Variants in UBR2 observed in about 807,000 individuals in gnomAD.
UBR2 encodes the protein E3 ubiquitin-protein ligase UBR2.
A neutral mutation model predicts 247.9 loss-of-function variants in UBR2; 92 were observed. The observed-to-expected ratio is 0.37, with a 90% CI of 0.31 to 0.44. The LOEUF (loss-of-function observed/expected upper bound fraction) is 0.44. Among genes scored for constraint, UBR2 ranks in the 20% least tolerant of loss-of-function variants. UBR2 has a pLI of 1.00. For missense variants in UBR2, 1,613 were observed against 2,112.6 expected, an observed-to-expected ratio of 0.76 and a Z score of 4.64; for synonymous variants, 672 against 693.5, an observed-to-expected ratio of 0.97 and a Z score of 0.49.
At chr6:42,631,920 A>T (rs1242987451) in intron 11 of UBR2, among the ~76,000 whole-genome samples, 1 of 131,688 alleles carries the variant, frequency 7.6e-6, no homozygotes, top group Admixed American at 7.9e-5. Context: ...TATATATATA[A>T]AATACACATA....
intron 2 of UBR2, among the ~76,000 whole-genome samples, chr6:42,590,685 C>T (rs1173624670): frequency 6.6e-6 from 1 of 152,116 alleles, no homozygotes; most frequent in Non-Finnish European, 1.5e-5. Context: ...ACAGCCTTGG[C>T]ATATATCAAG....
rs576524179 is a variant in UBR2 at position 42,636,304 on chromosome 6, A to G, written c.1675-707A>G. ...GGTGATCCTCCCACCTCAGCCTCCC[A>G]AGTAGCTGGGACAACAGGCACACAC... is the stretch of plus-strand genomic sequence containing the variant. On this transcript the variant is annotated intron_variant, in intron 14 of 46. Transcript: ENST00000372901. Among the ~76,000 whole-genome samples, 79 of 150,642 alleles carry G rather than the reference A, an allele frequency of 5.2e-4. No individual in the cohort carries two copies. In the South Asian group the frequency reaches 0.014, roughly 26 times the overall value.
rs1260522830 is a variant in UBR2, at chr6:42,691,914, A to T, written c.*741A>T. The T allele has an allele frequency of 6.6e-6, 1 of 151,852 alleles. No individual in the cohort carries two copies. Among genetic ancestry groups the T allele is most frequent in the Admixed American group, 6.6e-5 (1 of 15,242 alleles). The allele number at this position is 151,852 out of a possible 1,614,324, so 9.4% of individuals were successfully genotyped here. A position where few individuals can be genotyped will look rare whatever the true frequency, so the allele number is the denominator to read the frequency against. The stretch of plus-strand genomic sequence containing the variant: ...TTTAGAATTAGGAAGAAAAATTAGG[A>T]TATTCTAAAAGAATATGGATTAAAA... On this transcript the variant is annotated 3_prime_UTR_variant, in exon 47 of 47. Coordinates refer to ENST00000372901, the MANE Select transcript of UBR2 (RefSeq NM_001363705.2).
Position 42,564,151 on chromosome 6 carries a change from C to G in UBR2, c.-169C>G. On this transcript the variant is annotated 5_prime_UTR_variant, in exon 1 of 47. Coordinates refer to ENST00000372901, the MANE Select transcript of UBR2 (RefSeq NM_001363705.2). Reference sequence around the variant, plus strand: ...GGGAGCGCAGGAGGCCGCTGTCCTTCCTTTCCGGTTCACGTCACCCTTCTC... The same window carrying G: ...GGGAGCGCAGGAGGCCGCTGTCCTTGCTTTCCGGTTCACGTCACCCTTCTC... 1.4e-6 allele frequency: 1 copy of G among 713,116 alleles called. No homozygotes were observed. The highest frequency in any genetic ancestry group is 2.0e-5 in the South Asian group (1 of 49,510). 44.2% of individuals were successfully genotyped at this position (713,116 alleles called of 1,614,324 possible).
intron 38 of UBR2, among the ~76,000 whole-genome samples, chr6:42,674,629 G>A (rs925285939): frequency 6.6e-6 from 1 of 152,040 alleles, no homozygotes; most frequent in Non-Finnish European, 1.5e-5. Flanking sequence ...GGGCGTGGTG[G>A]CACATGCCTG....
intron 45 of UBR2, among the ~76,000 whole-genome samples, 161 bp downstream of exon 45, chr6:42,688,547 G>A (rs1173291874): frequency 6.6e-6 from 1 of 152,086 alleles, no homozygotes; most frequent in African/African-American, 2.4e-5. Context: ...CTCACATCTG[G>A]TCCATGCCAA....
chr6:42,640,202 C>T lies in UBR2; in HGVS notation c.1859-7C>T. On this transcript the variant is annotated splice_polypyrimidine_tract_variant and splice_region_variant and intron_variant, in intron 15 of 46. Transcript: ENST00000372901. ...AAATACTGTTTTTTGTTTGTTCTTT[C>T]ATGCAGGTTTACATGTATTATTAAG... 6.3e-7 allele frequency: 1 copy of T among 1,597,022 alleles called. No homozygotes were observed. Among genetic ancestry groups the T allele is most frequent in the East Asian group, 2.3e-5 (1 of 44,230 alleles).
intron 1 of UBR2, among the ~76,000 whole-genome samples, chr6:42,569,194 G>A (rs1430286601): frequency 6.6e-6 from 1 of 152,200 alleles, no homozygotes; most frequent in African/African-American, 2.4e-5. Flanking sequence ...ATACCTAGAA[G>A]TGAAATTGGT....
Position 42,602,969 on chromosome 6 carries a change from A to C in UBR2, c.532-619A>C, listed in dbSNP as rs150357476. 7.0e-3 allele frequency among the ~76,000 whole-genome samples: 1,071 copies of C among 152,328 alleles called. 7 individuals carry two copies. Among genetic ancestry groups the C allele is most frequent in the African/African-American group, 0.023 (953 of 41,568 alleles). On this transcript the variant is annotated intron_variant, in intron 4 of 46. Coordinates refer to ENST00000372901, the MANE Select transcript of UBR2 (RefSeq NM_001363705.2). Reference sequence around the variant, plus strand: ...TGACTGAAAATTACCTTGATTAAACATAGCATAAAGTAATACTTTTTTACA... The same window carrying C: ...TGACTGAAAATTACCTTGATTAAACCTAGCATAAAGTAATACTTTTTTACA...
chr6:42,594,562 G>A (rs1050770019), intron 4 of UBR2, among the ~76,000 whole-genome samples: 1 of 152,156 alleles, frequency 6.6e-6, no homozygotes, highest in African/African-American at 2.4e-5. Flanking sequence ...GTTTATTTGA[G>A]TACTAACCTA....
chr6:42,618,225 C>T (rs1794683077), intron 11 of UBR2, among the ~76,000 whole-genome samples: 1 of 152,114 alleles, frequency 6.6e-6, no homozygotes, highest in South Asian at 2.1e-4. Context: ...GTCCTTTTCC[C>T]ACACTTCAGG....
At position 42,632,823 on chromosome 6, in the gene UBR2, A is replaced by G. The variant is rs752685935; in HGVS notation, c.1464A>G (p.Lys488=). 8 of 1,602,336 alleles carry G rather than the reference A, an allele frequency of 5.0e-6. No homozygotes were observed. The highest frequency in any genetic ancestry group is 1.3e-5 in the African/African-American group (1 of 74,212). ...TGTTCAGGTATGTGTTAATTAGCAA[A>G]CCAACTGAATGGTCAGATGAGCTGA... The part of the protein sequence containing the change: ...ILDLKYVLIS[K]PTEWSDELRQ... The change falls in exon 13 of 47, where the codon AAA becomes AAG. Residue 488 remains lysine (K), a synonymous_variant. Transcript: ENST00000372901.
At chr6:42,607,607 T>G (rs1793785379) in intron 7 of UBR2, among the ~76,000 whole-genome samples, 1 of 151,014 alleles carries the variant, frequency 6.6e-6, no homozygotes, top group South Asian at 2.1e-4. Context: ...CTCTGCCTCC[T>G]GGGTTCAAGC....
chr6:42,572,457 CTTT>C (rs537516250), intron 1 of UBR2, among the ~76,000 whole-genome samples: 4 of 140,662 alleles, frequency 2.8e-5, no homozygotes, highest in African/African-American at 1.1e-4. Context: ...CTTGAACATA[CTTT>C]TTTTTTTTTT....
At chr6:42,648,573 C>T (rs1028511003) in intron 22 of UBR2, among the ~76,000 whole-genome samples, 1 of 152,206 alleles carries the variant, frequency 6.6e-6, no homozygotes, top group African/African-American at 2.4e-5. Context: ...TTCCCCCAGT[C>T]AATAAACTGG....
At chr6:42,635,870 A>G (rs931460112) in intron 14 of UBR2, among the ~76,000 whole-genome samples, 15 of 152,150 alleles carry the variant, frequency 9.9e-5, no homozygotes, top group Non-Finnish European at 1.9e-4. Context: ...AAGTTTTATT[A>G]TTGGTACATT....
chr6:42,647,022 A>G (rs963637225), intron 21 of UBR2, among the ~76,000 whole-genome samples: 16 of 151,596 alleles, frequency 1.1e-4, no homozygotes, highest in South Asian at 2.1e-4. Flanking sequence ...GGGGTTCTCT[A>G]TGTTGTCCAG....
chr6:42,618,711 T>G (rs1794711577), intron 11 of UBR2, among the ~76,000 whole-genome samples: 1 of 152,176 alleles, frequency 6.6e-6, no homozygotes, highest in Non-Finnish European at 1.5e-5. Context: ...GGAAACCTAA[T>G]CAGATGCTAA....
At chr6:42,613,987 C>A (rs955722810) in intron 8 of UBR2, among the ~76,000 whole-genome samples, 2 of 150,820 alleles carry the variant, frequency 1.3e-5, no homozygotes, top group Non-Finnish European at 2.9e-5. Context: ...CCAGCCTGGC[C>A]AACATGGTGT....
Sources: allele counts gnomAD v4.1 joint callset (sites outside exome capture counted in the v4.1 genomes callset), GRCh38; gene constraint gnomAD v4.1.1; transcripts MANE v1.5; gene names NCBI Gene and HGNC (gene_info 2026-07-23, HGNC 2026-07-21).